The following DGKG variants were observed in gnomAD, a reference collection of about 807,000 sequenced individuals.
The protein encoded by DGKG is DAG kinase gamma.
DGKG carries 78 observed loss-of-function variants against 105.3 expected under a neutral mutation model. That is an observed-to-expected ratio of 0.74 (90% CI 0.62 to 0.89). The LOEUF is 0.89. Ranked by LOEUF, DGKG falls within the 40% of genes least tolerant of loss-of-function variation. The pLI, the probability that DGKG is intolerant of heterozygous loss-of-function variation, is 0.00. For synonymous variants in DGKG, 346 were observed against 367.1 expected (o/e 0.94, Z 0.66); for missense variants, 958 against 1,020.1 (o/e 0.94, Z 0.83).
chr3:186,321,176 G>A (rs1177332390), intron 1 of DGKG, among the ~76,000 whole-genome samples: 1 of 152,202 alleles, frequency 6.6e-6, no homozygotes, highest in East Asian at 1.9e-4. Flanking sequence ...TCCTCTTAGA[G>A]CCATAAAAAG....
intron 23 of DGKG, 30 bp downstream of exon 23, chr3:186,164,868 C>A: frequency 1.3e-6 from 2 of 1,594,548 alleles, no homozygotes; most frequent in Non-Finnish European, 8.5e-7. Flanking sequence ...CGGGGAGATG[C>A]AGAGGCTGTT....
intron 20 of DGKG, among the ~76,000 whole-genome samples, chr3:186,242,107 T>C (rs1440429971): frequency 6.6e-6 from 1 of 152,144 alleles, no homozygotes; most frequent in South Asian, 2.1e-4. Context: ...TAGGGTCTCT[T>C]CCAGCCTCCC....
At chr3:186,332,857 A>G (rs1725664387) in intron 1 of DGKG, among the ~76,000 whole-genome samples, 1 of 152,126 alleles carries the variant, frequency 6.6e-6, no homozygotes, top group African/African-American at 2.4e-5. Flanking sequence ...TAATCCATTC[A>G]TGGATTAATG....
At chr3:186,187,429 G>T (rs572989252) in intron 22 of DGKG, among the ~76,000 whole-genome samples, 1 of 152,344 alleles carries the variant, frequency 6.6e-6, no homozygotes, top group East Asian at 1.9e-4. Context: ...CTTGTGATGG[G>T]AAGGCTGGAG....
At chr3:186,287,819 C>A (rs1428209717) in intron 6 of DGKG, among the ~76,000 whole-genome samples, 1 of 152,182 alleles carries the variant, frequency 6.6e-6, no homozygotes, top group African/African-American at 2.4e-5. Context: ...GGCAGACTTC[C>A]CTTGCTTATG....
chr3:186,263,307 C>G (rs1266071121), intron 14 of DGKG, among the ~76,000 whole-genome samples: 1 of 152,136 alleles, frequency 6.6e-6, no homozygotes, highest in Non-Finnish European at 1.5e-5. Context: ...TGGCTCATGC[C>G]TGTAATCCTA....
At chr3:186,313,067 T>C (rs1386311809) in intron 2 of DGKG, among the ~76,000 whole-genome samples, 2 of 152,232 alleles carry the variant, frequency 1.3e-5, no homozygotes, top group Non-Finnish European at 2.9e-5. Context: ...ACATGTCCTA[T>C]ATTCTCAGGG....
At chr3:186,256,078 C>T (rs1013829048) in intron 17 of DGKG, among the ~76,000 whole-genome samples, 5 of 152,116 alleles carry the variant, frequency 3.3e-5, no homozygotes, top group Non-Finnish European at 7.4e-5. Context: ...GTGAGTAGTC[C>T]GGTACCGCAG....
At chr3:186,168,037 C>T (rs957859301) in intron 22 of DGKG, among the ~76,000 whole-genome samples, 6 of 152,122 alleles carry the variant, frequency 3.9e-5, no homozygotes, top group Non-Finnish European at 4.4e-5. Flanking sequence ...GATGAATGAG[C>T]GCCAAGGTAA....
intron 21 of DGKG, among the ~76,000 whole-genome samples, chr3:186,205,971 AT>A (rs1718713561): frequency 1.3e-5 from 2 of 152,148 alleles, no homozygotes; most frequent in African/African-American, 4.8e-5. Flanking sequence ...ATAACCAGAT[AT>A]TTTTTTTGAG....
At chr3:186,211,695 G>A (rs1454520989) in intron 21 of DGKG, 100 bp downstream of exon 21, 2 of 863,086 alleles carry the variant, frequency 2.3e-6, no homozygotes, top group African/African-American at 3.3e-5. Flanking sequence ...TACGCTCTGG[G>A]TCACCTCTTA....
intron 1 of DGKG, among the ~76,000 whole-genome samples, chr3:186,352,625 C>A (rs1490531616): frequency 6.6e-6 from 1 of 152,234 alleles, no homozygotes; most frequent in Admixed American, 6.5e-5. Context: ...ACTATCTTCC[C>A]AGGTGTAGGA....
chr3:186,313,382 T>C (rs555639115), intron 2 of DGKG: 1 of 574,376 alleles, frequency 1.7e-6, no homozygotes, highest in East Asian at 1.4e-4. Flanking sequence ...AAAACGTTTT[T>C]TAAGACACAA....
intron 20 of DGKG, among the ~76,000 whole-genome samples, chr3:186,218,502 GAAAAAA>G (rs10692822): frequency 2.8e-5 from 2 of 70,382 alleles, no homozygotes; most frequent in African/African-American, 6.1e-5. Flanking sequence ...GACTCCGTCT[GAAAAAA>G]AAAAAAAAAA....
chr3:186,328,403 G>A (rs961581750), intron 1 of DGKG, among the ~76,000 whole-genome samples: 16 of 152,132 alleles, frequency 1.1e-4, no homozygotes, highest in Non-Finnish European at 1.8e-4. Flanking sequence ...TCTGAAGCAG[G>A]CACAAATAAT....
intron 1 of DGKG, among the ~76,000 whole-genome samples, chr3:186,358,506 TTGTG>T (rs142522791): frequency 6.7e-6 from 1 of 149,952 alleles, no homozygotes; most frequent in Admixed American, 6.6e-5. Context: ...TTCTAACCCT[TTGTG>T]TGTGTGTGTG....
At chr3:186,182,685 C>T (rs1297666244) in intron 22 of DGKG, among the ~76,000 whole-genome samples, 2 of 150,324 alleles carry the variant, frequency 1.3e-5, no homozygotes, top group Middle Eastern at 3.4e-3. Context: ...CACAAATACT[C>T]ACATGTAACT....
chr3:186,298,114 G>A lies in DGKG; in HGVS notation c.260C>T (p.Thr87Ile), dbSNP rs774526773. Residue 87 changes from threonine to isoleucine, a missense_variant, in exon 4 of 25, where the codon ACC becomes ATC. Physicochemically the swap from Thr to Ile is moderately conservative, Grantham distance 89. This residue lies in a region of DGKG where 643 missense variants were observed against 619.5 expected (regional missense o/e 1.04). Transcript: ENST00000265022. ...GGCTCCCTCCGTCGGGTGGTCAGAG[G>A]TCTCGTGTCTGGGCTTCTGGCTGAA... ...LAFSQKPRHE[T>I]SDHPTEGASN... 2.5e-6 allele frequency: 4 copies of A among 1,614,116 alleles called. No homozygotes were observed. In the South Asian group the frequency reaches 4.4e-5, roughly 18 times the overall value.
chr3:186,211,431 C>G (rs368791507), intron 21 of DGKG, among the ~76,000 whole-genome samples: 11 of 152,178 alleles, frequency 7.2e-5, no homozygotes, highest in East Asian at 5.8e-4. Context: ...AGACTTTTAC[C>G]AGGCTTGGGA....
Sources: allele counts gnomAD v4.1 joint callset (sites outside exome capture counted in the v4.1 genomes callset), GRCh38; gene constraint gnomAD v4.1.1; regional missense constraint gnomAD v4.1.1; transcripts MANE v1.5; gene names NCBI Gene and HGNC (gene_info 2026-07-23, HGNC 2026-07-21).